CPLX1: variants seen among roughly 807,000 people sequenced by gnomAD.
The protein encoded by CPLX1 is complexin-1.
Under a neutral mutation model 15.6 loss-of-function variants are expected in CPLX1, and 6 were observed. That is an observed-to-expected ratio of 0.39 (90% CI 0.21 to 0.76). The LOEUF (loss-of-function observed/expected upper bound fraction) is 0.76, where lower values mean the gene tolerates loss of function less well. Ranked by LOEUF, CPLX1 falls within the 30% of genes least tolerant of loss-of-function variation. CPLX1 has a pLI of 0.43. For missense variants in CPLX1, 242 were observed against 188.6 expected, an observed-to-expected ratio of 1.28 and a Z score of -1.66; for synonymous variants, 91 against 75.2, an observed-to-expected ratio of 1.21 and a Z score of -1.08.
chr4:792,518 A>T lies in CPLX1; in HGVS notation c.122T>A (p.Leu41Gln). Residue 41 changes from leucine to glutamine, a missense_variant, in exon 3 of 4, where the codon CTG (leucine) becomes CAG (glutamine). Coordinates refer to ENST00000304062, the MANE Select transcript of CPLX1 (RefSeq NM_006651.4). ...CTTGCGCTCCTCCTCCGCCTGGCGC[A>T]GCGCCTCCTGCCGCTCCTCCTCCTT... is the stretch of plus-strand genomic sequence containing the variant. ...AKKEEERQEA[L>Q]RQAEEERKAK... 1 of 1,613,066 alleles carries T rather than the reference A, an allele frequency of 6.2e-7. No individual in the cohort carries two copies. Among genetic ancestry groups the T allele is most frequent in the South Asian group, 1.1e-5 (1 of 91,054 alleles).
chr4:787,067 G>C, intron 3 of CPLX1: 1 of 985,346 alleles, frequency 1.0e-6, no homozygotes, highest in Non-Finnish European at 1.2e-6. Context: ...GCAGGATGCT[G>C]CGTGGCAGAG....
chr4:795,407 G>A (rs1577472795), intron 2 of CPLX1, among the ~76,000 whole-genome samples: 1 of 152,192 alleles, frequency 6.6e-6, no homozygotes, highest in Non-Finnish European at 1.5e-5. Context: ...CGCATCCGCA[G>A]GAGGGCGGCG....
chr4:815,916 T>C (rs1746744503), intron 2 of CPLX1, among the ~76,000 whole-genome samples: 1 of 152,206 alleles, frequency 6.6e-6, no homozygotes, highest in South Asian at 2.1e-4. Context: ...CATCAAAAAG[T>C]TGACTTTCTG....
intron 2 of CPLX1, 131 bp from the exon 3 acceptor site, chr4:792,739 C>T (rs1746222815): frequency 1.1e-6 from 1 of 939,046 alleles, no homozygotes; most frequent in Non-Finnish European, 1.6e-6. Context: ...TGGCTGCCCC[C>T]ACCACCCTCC....
chr4:808,920 G>A (rs1746606668), intron 2 of CPLX1, among the ~76,000 whole-genome samples: 1 of 152,230 alleles, frequency 6.6e-6, no homozygotes, highest in Non-Finnish European at 1.5e-5. Flanking sequence ...AGAAAAAGAA[G>A]GAAATCCTCT....
intron 2 of CPLX1, among the ~76,000 whole-genome samples, chr4:821,682 G>A (rs945519596): frequency 6.6e-6 from 1 of 152,152 alleles, no homozygotes; most frequent in Non-Finnish European, 1.5e-5. Flanking sequence ...CCCACGTGTT[G>A]TGGGGGGAGG....
chr4:816,270 G>A (rs1452006317), intron 2 of CPLX1, among the ~76,000 whole-genome samples: 3 of 145,566 alleles, frequency 2.1e-5, no homozygotes, highest in Non-Finnish European at 4.5e-5. Context: ...CCAGGCTGGA[G>A]TGCAGTGGTG....
intron 1 of CPLX1, among the ~76,000 whole-genome samples, chr4:825,593 G>C (rs1411299171): frequency 6.6e-6 from 1 of 151,912 alleles, no homozygotes; most frequent in South Asian, 2.1e-4. Context: ...GCGGGAGCGC[G>C]CCAGGAGAGG....
chr4:788,440 C>G (rs1387246275), intron 3 of CPLX1: 1 of 985,246 alleles, frequency 1.0e-6, no homozygotes, highest in Non-Finnish European at 1.2e-6. Context: ...AGAGAGGGGC[C>G]GTGGGCTCGC....
intron 2 of CPLX1, chr4:804,802 G>A (rs1746523024): frequency 1.3e-5 from 13 of 985,456 alleles, no homozygotes; most frequent in African/African-American, 3.5e-5. Context: ...AGACGGCTCT[G>A]GCGGTCGTCA....
chr4:800,753 AT>A (rs2152645196), intron 2 of CPLX1, among the ~76,000 whole-genome samples: 1 of 147,584 alleles, frequency 6.8e-6, no homozygotes, highest in African/African-American at 2.5e-5. Context: ...ATATATATAT[AT>A]ACACACACAT....
At chr4:825,313 A>G (rs1005786220) in intron 1 of CPLX1, among the ~76,000 whole-genome samples, 14 of 152,126 alleles carry the variant, frequency 9.2e-5, no homozygotes, top group South Asian at 6.2e-4. Flanking sequence ...GGTCTCTCCT[A>G]TCGGGGAACC....
intron 2 of CPLX1, among the ~76,000 whole-genome samples, chr4:820,025 G>C (rs1274683148): frequency 6.6e-6 from 1 of 152,180 alleles, no homozygotes; most frequent in Non-Finnish European, 1.5e-5. Context: ...GCAGCCAAAA[G>C]AATCTTCCCC....
At chr4:824,843 A>C (rs1400633735) in intron 1 of CPLX1, 1 of 573,720 alleles carries the variant, frequency 1.7e-6, no homozygotes. Flanking sequence ...AGGGCTGCTG[A>C]TGGCTTAGGG....
chr4:823,910 G>A (rs575770363), intron 2 of CPLX1, among the ~76,000 whole-genome samples: 2 of 152,362 alleles, frequency 1.3e-5, no homozygotes, highest in South Asian at 2.1e-4. Context: ...GGAGGCAGTC[G>A]AGACACACAA....
intron 2 of CPLX1, among the ~76,000 whole-genome samples, chr4:808,083 T>C (rs1287722882): frequency 6.6e-6 from 1 of 151,946 alleles, no homozygotes; most frequent in Non-Finnish European, 1.5e-5. Flanking sequence ...CTGGGTAACA[T>C]GGCAAAACCC....
At chr4:804,378 C>T (rs1308280002) in intron 2 of CPLX1, among the ~76,000 whole-genome samples, 4 of 152,194 alleles carry the variant, frequency 2.6e-5, no homozygotes, top group African/African-American at 7.2e-5. Context: ...TTCCCCCACA[C>T]TGTCAAGAAC....
intron 1 of CPLX1, 102 bp from the exon 2 acceptor site, chr4:824,703 C>G: frequency 1.4e-6 from 1 of 728,952 alleles, no homozygotes. Context: ...TGGGCTGGAC[C>G]CTCCCCCACC....
At chr4:797,982 AC>A (rs1746377330) in intron 2 of CPLX1, among the ~76,000 whole-genome samples, 2 of 151,248 alleles carry the variant, frequency 1.3e-5, no homozygotes. Flanking sequence ...AAACAAAAGA[AC>A]AGACATATAG....
Sources: allele counts gnomAD v4.1 joint callset (sites outside exome capture counted in the v4.1 genomes callset), GRCh38; gene constraint gnomAD v4.1.1; transcripts MANE v1.5; gene names NCBI Gene and HGNC (gene_info 2026-07-23, HGNC 2026-07-21).